CDH23: variants seen among roughly 807,000 people sequenced by gnomAD.
CDH23 encodes the protein cadherin-23.
A neutral mutation model predicts 317.1 loss-of-function variants in CDH23; 189 were observed. That is an observed-to-expected ratio of 0.60 (90% CI 0.53 to 0.67). The LOEUF (loss-of-function observed/expected upper bound fraction) is 0.67, where lower values mean the gene tolerates loss of function less well. Ranked by LOEUF, CDH23 falls within the 30% of genes least tolerant of loss-of-function variation. CDH23 has a pLI of 0.00. For synonymous variants in CDH23, 1,839 were observed against 1,876.8 expected, an observed-to-expected ratio of 0.98 and a Z score of 0.52; for missense variants, 4,401 against 4,592.4, an observed-to-expected ratio of 0.96 and a Z score of 1.20.
rs1261515051 is a variant in CDH23, at chr10:71,730,451, CT to C, written c.3580-17del. ...TCCACCCCACCCTGACCTTGCACCC[CT>C]GGCCCGGCTCCCACAGGTGATTGTG... is the stretch of plus-strand genomic sequence containing the variant. On this transcript the variant is annotated splice_polypyrimidine_tract_variant and intron_variant, in intron 30 of 69. Transcript: ENST00000224721. 2 of 1,612,592 alleles carry C rather than the reference CT, an allele frequency of 1.2e-6. No individual in the cohort carries two copies. Among genetic ancestry groups the C allele is most frequent in the Non-Finnish European group, 1.7e-6 (2 of 1,179,568 alleles).
intron 28 of CDH23, among the ~76,000 whole-genome samples, chr10:71,720,884 T>C (rs896561150): frequency 2.0e-5 from 3 of 152,130 alleles, no homozygotes; most frequent in Non-Finnish European, 2.9e-5. Context: ...ACTTGGTGTT[T>C]CCCCTGTGCT....
intron 30 of CDH23, 36 bp from the exon 31 acceptor site, chr10:71,730,433 C>T: frequency 6.2e-7 from 1 of 1,608,818 alleles, no homozygotes; most frequent in Non-Finnish European, 8.5e-7. Flanking sequence ...GCCTCCACCC[C>T]ACCCTGACCT....
chr10:71,566,618 A>G, intron 6 of CDH23, 124 bp from the exon 7 acceptor site: 1 of 825,894 alleles, frequency 1.2e-6, no homozygotes, highest in Non-Finnish European at 1.7e-6. Context: ...CTAGAATGAA[A>G]ATGACAAGGC....
chr10:71,530,117 G>T (rs1002621434), intron 6 of CDH23, among the ~76,000 whole-genome samples: 1 of 151,474 alleles, frequency 6.6e-6, no homozygotes, highest in African/African-American at 2.4e-5. Flanking sequence ...ATTGCCATGC[G>T]GGCTGAGCTG....
Position 71,771,626 on chromosome 10 carries a change from T to A in CDH23, c.4846-6054T>A, listed in dbSNP as rs193252137. Among the ~76,000 whole-genome samples, 6 of 152,356 alleles carry A rather than the reference T, an allele frequency of 3.9e-5. No individual in the cohort carries two copies. The South Asian group carries it at 8.3e-4, about 21-fold the overall frequency. On this transcript the variant is annotated intron_variant, in intron 38 of 69. Transcript: ENST00000224721. ...GAGGTCCCAGAGCAATTCAAATGCT[T>A]CTGGCTCCTTTCAGTGGAAAGCTGC... is the stretch of plus-strand genomic sequence containing the variant.
chr10:71,806,339 A>G, intron 57 of CDH23, 58 bp downstream of exon 57: 1 of 1,175,312 alleles, frequency 8.5e-7, no homozygotes, highest in South Asian at 1.3e-5. Flanking sequence ...CCTGCCTGCA[A>G]GCACACACTC....
chr10:71,702,177 G>A lies in CDH23; in HGVS notation c.2553G>A (p.Glu851=), dbSNP rs374847452. Residue 851 remains glutamate (E), a synonymous_variant, in exon 23 of 70, where the codon GAG becomes GAA. Coordinates refer to ENST00000224721, the MANE Select transcript of CDH23 (RefSeq NM_022124.6). ...AGAACCCCGACCCCCATGAGGCCGA[G>A]CTGATGCGCAAAATCGTCGTCTCTG... ...DRENPDPHEA[E]LMRKIVVSVT... is the part of the protein sequence containing the mutation. The A allele has an allele frequency of 1.2e-6, 2 of 1,613,718 alleles. No individual in the cohort carries two copies. The highest frequency in any genetic ancestry group is 2.7e-5 in the African/African-American group (2 of 74,928).
chr10:71,670,693 A>T (rs1616303), intron 14 of CDH23, among the ~76,000 whole-genome samples: 100,316 of 152,074 alleles, frequency 0.66, 34,215 homozygotes, highest in East Asian at 0.82. Context: ...ACACTAGGGT[A>T]TGGATCTGAA....
At chr10:71,438,052 T>C (rs995205944) in intron 1 of CDH23, among the ~76,000 whole-genome samples, 1 of 152,126 alleles carries the variant, frequency 6.6e-6, no homozygotes, top group South Asian at 2.1e-4. Flanking sequence ...TAGAATCTTT[T>C]GTGTTTCGTC....
At chr10:71,407,759 C>T (rs1266485405) in intron 1 of CDH23, among the ~76,000 whole-genome samples, 1 of 152,164 alleles carries the variant, frequency 6.6e-6, no homozygotes, top group Non-Finnish European at 1.5e-5. Flanking sequence ...GGGTGGTAAT[C>T]ATGAGGCAGT....
intron 38 of CDH23, among the ~76,000 whole-genome samples, chr10:71,757,802 A>AG (rs1216065940): frequency 1.3e-5 from 2 of 152,122 alleles, no homozygotes; most frequent in Non-Finnish European, 2.9e-5. Context: ...CCAGGGAGGA[A>AG]GCTGGGTGAA....
chr10:71,459,138 C>T (rs10999821), intron 3 of CDH23, among the ~76,000 whole-genome samples: 51,723 of 135,178 alleles, frequency 0.38, 10,873 homozygotes, highest in East Asian at 0.6. Flanking sequence ...CCGAGGCTGG[C>T]ACGCAGTGGC....
Position 71,704,970 on chromosome 10 carries a change from G to A in CDH23, c.2793G>A (p.Val931=), listed in dbSNP as rs756999202. 11 of 1,612,748 alleles carry A rather than the reference G, an allele frequency of 6.8e-6. No individual in the cohort carries two copies. The highest frequency in any genetic ancestry group is 1.3e-5 in the African/African-American group (1 of 74,928). The change falls in exon 25 of 70, where the codon GTG becomes GTA. Residue 931 remains valine (V), a synonymous_variant. Transcript: ENST00000224721. ...LNGLVSYRMP[V]GMPRMDFLIN... ...GCCTGGTGTCCTACCGCATGCCGGTGGGCATGCCCCGCATGGACTTCCTCA... is the reference window on the plus strand; with the variant it reads ...GCCTGGTGTCCTACCGCATGCCGGTAGGCATGCCCCGCATGGACTTCCTCA...
intron 3 of CDH23, among the ~76,000 whole-genome samples, chr10:71,481,336 C>T (rs955024346): frequency 3.3e-5 from 5 of 152,166 alleles, no homozygotes; most frequent in African/African-American, 9.7e-5. Flanking sequence ...ACTGGGCCTT[C>T]CCTGGAACAG....
chr10:71,808,030 T>C (rs1304611780), intron 60 of CDH23, 23 bp downstream of exon 60: 9 of 1,566,078 alleles, frequency 5.7e-6, no homozygotes, highest in Non-Finnish European at 7.8e-6. Context: ...AGCACATGAG[T>C]GGCCTCTAGC....
chr10:71,560,666 G>A (rs1857085202), intron 6 of CDH23, among the ~76,000 whole-genome samples: 1 of 151,764 alleles, frequency 6.6e-6, no homozygotes, highest in Admixed American at 6.6e-5. Flanking sequence ...GCAACTGAGG[G>A]CAGAGGATGG....
intron 3 of CDH23, among the ~76,000 whole-genome samples, chr10:71,468,935 C>T (rs7098647): frequency 0.015 from 2,238 of 152,228 alleles, 48 homozygotes; most frequent in African/African-American, 0.051. Context: ...GGCTGGCTCT[C>T]AGGAGCTGTC....
chr10:71,759,369 T>A (rs933575435), intron 38 of CDH23, among the ~76,000 whole-genome samples: 1 of 150,890 alleles, frequency 6.6e-6, no homozygotes, highest in Non-Finnish European at 1.5e-5. Context: ...TCACCAGACA[T>A]GGTGATGCGT....
chr10:71,648,575 G>A (rs1291670862), intron 14 of CDH23, among the ~76,000 whole-genome samples: 1 of 152,202 alleles, frequency 6.6e-6, no homozygotes, highest in Non-Finnish European at 1.5e-5. Flanking sequence ...CTATAGAGCC[G>A]GGAGGAGATG....
Sources: allele counts gnomAD v4.1 joint callset (sites outside exome capture counted in the v4.1 genomes callset), GRCh38; gene constraint gnomAD v4.1.1; transcripts MANE v1.5; gene names NCBI Gene and HGNC (gene_info 2026-07-23, HGNC 2026-07-21).